Variants in CUX2 observed in about 807,000 individuals in gnomAD.
The protein encoded by CUX2 is cut like homeobox 2.
In CUX2, 40 loss-of-function variants were observed where a neutral mutation model predicts 144.8. The ratio of observed to expected loss-of-function variants is 0.28; its 90% CI spans 0.21 to 0.36. CUX2 has a LOEUF of 0.36. CUX2 is among the 10% of genes least tolerant of loss of function. The pLI is 1.00. For synonymous variants in CUX2, 827 were observed against 875.6 expected (o/e 0.94, Z 0.98); for missense variants, 1,615 against 1,994.0 (o/e 0.81, Z 3.62).
intron 1 of CUX2, among the ~76,000 whole-genome samples, chr12:111,164,896 A>G (rs1410271383): frequency 6.6e-6 from 1 of 152,188 alleles, no homozygotes; most frequent in Non-Finnish European, 1.5e-5. Context: ...CAGAATCTGT[A>G]CTTTAACAAG....
Position 111,264,000 on chromosome 12 carries a change from G to A in CUX2, c.301+161G>A, listed in dbSNP as rs1019467700. Among the ~76,000 whole-genome samples, 5 of 152,180 alleles carry A rather than the reference G, an allele frequency of 3.3e-5. No individual in the cohort carries two copies. The highest frequency in any genetic ancestry group is 5.9e-5 in the Non-Finnish European group (4 of 68,028). On this transcript the variant is annotated intron_variant, in intron 4 of 21. Transcript: ENST00000261726. The surrounding 1 kb of genome is among the most constrained non-coding windows in gnomAD (Gnocchi z 4.0). Reference sequence around the variant, plus strand: ...CAGGGGGAGCTGTGGCCAGTCTGGTGTGACATGTCCCCCCAGGGCTCCCCC... The same window carrying A: ...CAGGGGGAGCTGTGGCCAGTCTGGTATGACATGTCCCCCCAGGGCTCCCCC...
chr12:111,216,941 C>T (rs1174400217), intron 2 of CUX2, among the ~76,000 whole-genome samples: 1 of 152,210 alleles, frequency 6.6e-6, no homozygotes, highest in Non-Finnish European at 1.5e-5. Context: ...CCCCTCCCCA[C>T]CCTATCTAGT....
At chr12:111,194,379 C>T (rs74929406) in intron 1 of CUX2, among the ~76,000 whole-genome samples, 2,146 of 152,304 alleles carry the variant, frequency 0.014, 49 homozygotes, top group African/African-American at 0.048. Flanking sequence ...ACTGGCAGGC[C>T]GGGGTCCAAC....
chr12:111,347,618 T>A lies in CUX2; in HGVS notation c.3754T>A (p.Ser1252Thr), dbSNP rs1592994893. ...TCCTGGAATCCTACCGCCAGGCCACTCCCACCCAGACCCCACCCCGCAGAG... is the reference window on the plus strand; with the variant it reads ...TCCTGGAATCCTACCGCCAGGCCACACCCACCCAGACCCCACCCCGCAGAG... Reference protein sequence around the residue: ...GGPGILPPGHSHPDPTPQSPD... With the variant: ...GGPGILPPGHTHPDPTPQSPD... The change falls in exon 22 of 22, where the codon TCC (serine) becomes ACC (threonine). Residue 1252 changes from serine to threonine, a missense_variant. By Grantham distance (58) the Ser-to-Thr change is moderately conservative. Around this residue, in one of 12 missense-constraint regions of CUX2, gnomAD observed 298 missense variants for 330.4 expected, o/e 0.90. Coordinates refer to ENST00000261726, the MANE Select transcript of CUX2 (RefSeq NM_015267.4). 1 of 1,409,002 alleles carries A rather than the reference T, an allele frequency of 7.1e-7. No homozygotes were observed. The highest frequency in any genetic ancestry group is 1.0e-6 in the Non-Finnish European group (1 of 998,360). The allele number at this position is 1,409,002 out of a possible 1,614,324, so 87.3% of individuals were successfully genotyped here.
intron 3 of CUX2, among the ~76,000 whole-genome samples, chr12:111,260,219 CT>C (rs976040325): frequency 1.3e-5 from 2 of 151,762 alleles, no homozygotes; most frequent in African/African-American, 4.8e-5. Context: ...AATCCCAGCA[CT>C]TTGGGAGGCC....
chr12:111,205,371 G>T (rs1880858345), intron 1 of CUX2, among the ~76,000 whole-genome samples: 1 of 152,032 alleles, frequency 6.6e-6, no homozygotes. Context: ...ACCTCCATGG[G>T]CCCAAGATGC....
intron 3 of CUX2, among the ~76,000 whole-genome samples, chr12:111,227,253 G>A (rs547451332): frequency 1.3e-5 from 2 of 152,288 alleles, no homozygotes; most frequent in African/African-American, 4.8e-5. Flanking sequence ...ACTGAATTCC[G>A]GGGGTGAAAG....
chr12:111,151,698 AG>A (rs1877059686), intron 1 of CUX2, among the ~76,000 whole-genome samples: 1 of 151,964 alleles, frequency 6.6e-6, no homozygotes, highest in South Asian at 2.1e-4. Flanking sequence ...ACAGCCAGAG[AG>A]GGATCTGGTG....
chr12:111,287,441 C>A lies in CUX2; in HGVS notation c.302-3977C>A, dbSNP rs774551954. 1.3e-5 allele frequency among the ~76,000 whole-genome samples: 2 copies of A among 152,244 alleles called. No individual in the cohort carries two copies. Among genetic ancestry groups the A allele is most frequent in the African/African-American group, 2.4e-5 (1 of 41,468 alleles). On this transcript the variant is annotated intron_variant, in intron 4 of 21. Coordinates refer to ENST00000261726, the MANE Select transcript of CUX2 (RefSeq NM_015267.4). This position sits in a 1 kb window ranked among gnomAD's most constrained non-coding sequence, Gnocchi z 4.2. ...TCCTCCTGTCTCAAAAACCGGGACA[C>A]AATAGGAAGCGTTTCCTTGAACTTA...
intron 1 of CUX2, among the ~76,000 whole-genome samples, chr12:111,182,867 C>G (rs1879275992): frequency 6.6e-6 from 1 of 152,192 alleles, no homozygotes; most frequent in African/African-American, 2.4e-5. Context: ...AATGAAGGGA[C>G]TCATAGCTCC....
intron 1 of CUX2, among the ~76,000 whole-genome samples, chr12:111,144,805 G>A (rs1876555422): frequency 6.6e-6 from 1 of 152,202 alleles, no homozygotes; most frequent in African/African-American, 2.4e-5. Context: ...GGGAGGGGGT[G>A]CCTATCCAAG....
At chr12:111,096,440 G>C (rs1872819819) in intron 1 of CUX2, among the ~76,000 whole-genome samples, 1 of 152,196 alleles carries the variant, frequency 6.6e-6, no homozygotes, top group African/African-American at 2.4e-5. Flanking sequence ...CCCTTTGCTG[G>C]GTGCTCCCCG....
chr12:111,299,200 G>A (rs1339514362), intron 9 of CUX2, among the ~76,000 whole-genome samples: 2 of 152,264 alleles, frequency 1.3e-5, no homozygotes, highest in African/African-American at 4.8e-5. Flanking sequence ...CTTCCTGCCT[G>A]TGGGGTGGGA....
At chr12:111,240,903 G>A (rs554287113) in intron 3 of CUX2, among the ~76,000 whole-genome samples, 42 of 152,290 alleles carry the variant, frequency 2.8e-4, no homozygotes, top group South Asian at 2.1e-4. Context: ...CAGGTGTGCC[G>A]ATGCCAACCA....
At chr12:111,154,838 G>A (rs1877276788) in intron 1 of CUX2, among the ~76,000 whole-genome samples, 2 of 152,340 alleles carry the variant, frequency 1.3e-5, no homozygotes, top group South Asian at 2.1e-4. Flanking sequence ...TGGGTGGGAT[G>A]TTGGACATCT....
Position 111,254,786 on chromosome 12 carries a change from T to C in CUX2, c.223-8975T>C, listed in dbSNP as rs555811942. On this transcript the variant is annotated intron_variant, in intron 3 of 21. Transcript: ENST00000261726. ...TCAAAATGAATTAGTGATTTACATC[T>C]GAGAAGGCAAAACAATGACAATGAC... Among the ~76,000 whole-genome samples, 5 of 152,336 alleles carry C rather than the reference T, an allele frequency of 3.3e-5. No homozygotes were observed. In the South Asian group the frequency reaches 1.0e-3, roughly 32 times the overall value.
rs541082827 is a variant in CUX2 at position 111,324,125 on chromosome 12, C to T, written c.2926+1545C>T. Among the ~76,000 whole-genome samples the T allele has an allele frequency of 5.9e-4, 89 of 151,958 alleles. 1 individual carries two copies. Among genetic ancestry groups the T allele is most frequent in the Middle Eastern group, 3.4e-3 (1 of 294 alleles). On this transcript the variant is annotated intron_variant, in intron 18 of 21. Transcript: ENST00000261726. ...CAGCACTTTGGGAGGCCAAGGCGGG[C>T]GGATCACAAAGTCAGGAGTTCGAGA...
intron 1 of CUX2, among the ~76,000 whole-genome samples, chr12:111,094,490 T>A (rs1872711821): frequency 6.6e-6 from 1 of 152,224 alleles, no homozygotes; most frequent in Non-Finnish European, 1.5e-5. Context: ...AGCACCTAGC[T>A]TTTGGCAGCA....
At chr12:111,324,869 G>T (rs2136410657) in intron 18 of CUX2, among the ~76,000 whole-genome samples, 1 of 152,302 alleles carries the variant, frequency 6.6e-6, no homozygotes, top group Middle Eastern at 3.4e-3. Flanking sequence ...ATCGATTACG[G>T]TGATGGGTGG....
Sources: gnomAD v4.1 joint callset for allele counts (sites outside exome capture counted in the v4.1 genomes callset) on GRCh38, gnomAD v4.1.1 for gene constraint, gnomAD v4.1.1 regional missense constraint, Gnocchi (gnomAD v3.1) non-coding constraint, MANE v1.5 for transcripts, NCBI Gene and HGNC (gene_info 2026-07-23, HGNC 2026-07-21) for gene names.